C18orf54: variants seen among roughly 807,000 people sequenced by gnomAD.
C18orf54 encodes chromosome 18 open reading frame 54, also known as lung adenoma susceptibility protein 2.
C18orf54 carries 49 observed loss-of-function variants against 49.3 expected under a neutral mutation model. That is an observed-to-expected ratio of 0.99 (90% CI 0.79 to 1.26). The LOEUF (loss-of-function observed/expected upper bound fraction) is 1.26. Ranked by LOEUF, C18orf54 falls within the 50% of genes most tolerant of loss-of-function variation. The pLI is 0.00. For synonymous variants in C18orf54, 211 were observed against 216.6 expected, an observed-to-expected ratio of 0.97 and a Z score of 0.23; for missense variants, 687 against 620.6, an observed-to-expected ratio of 1.11 and a Z score of -1.14.
chr18:54,360,849 A>G lies in C18orf54; in HGVS notation c.277A>G (p.Asn93Asp), dbSNP rs772884246. Residue 93 changes from asparagine to aspartate, a missense_variant, in exon 3 of 9, where the codon AAC becomes GAC. Transcript: ENST00000620105. The stretch of plus-strand genomic sequence containing the variant: ...GTTCTGCAACTATATTTACAAACCA[A>G]ACAATGGTATGCTTTTATTCTTTGT... ...SQFCNYIYKP[N>D]NAFENLDHKK... The G allele has an allele frequency of 1.2e-6, 2 of 1,609,722 alleles. No individual in the cohort carries two copies. Among genetic ancestry groups the G allele is most frequent in the Non-Finnish European group, 1.7e-6 (2 of 1,177,514 alleles).
intron 8 of C18orf54, among the ~76,000 whole-genome samples, chr18:54,376,574 T>C (rs889801747): frequency 6.6e-6 from 1 of 152,202 alleles, no homozygotes; most frequent in Admixed American, 6.5e-5. Flanking sequence ...CCTCAGGTGA[T>C]CCACCCACCT....
At chr18:54,361,007 A>T (rs1035562829) in intron 3 of C18orf54, 152 bp downstream of exon 3, 2 of 753,724 alleles carry the variant, frequency 2.7e-6, no homozygotes, top group Admixed American at 2.9e-5. Context: ...AAATGATTAT[A>T]TAATTCTCTG....
chr18:54,361,585 C>T (rs1249050878), intron 3 of C18orf54, 58 bp from the exon 4 acceptor site: 41 of 1,377,954 alleles, frequency 3.0e-5, no homozygotes, highest in Non-Finnish European at 3.8e-5. Context: ...TTCTCATTTA[C>T]TGTTGGATAT....
rs1050173289 is a variant in C18orf54, at chr18:54,362,767, T to C, written c.1073-4T>C. The C allele has an allele frequency of 1.9e-6, 3 of 1,601,096 alleles. No individual in the cohort carries two copies. Among genetic ancestry groups the C allele is most frequent in the Non-Finnish European group, 8.5e-7 (1 of 1,176,718 alleles). ...AAGGATTAATAGTCATCTTTTACAA[T>C]TAGGTGACAAAATTGAATTGCTTAT... On this transcript the variant is annotated splice_region_variant and splice_polypyrimidine_tract_variant and intron_variant, in intron 4 of 8. Coordinates refer to ENST00000620105, the MANE Select transcript of C18orf54 (RefSeq NM_001288980.2).
At position 54,357,960 on chromosome 18, in the gene C18orf54, C is replaced by CGGAGGAAGCTG. The variant is rs1268964527; in HGVS notation, c.-258_-248dup. 5 of 152,650 alleles carry CGGAGGAAGCTG rather than the reference C, an allele frequency of 3.3e-5. No homozygotes were observed. The highest frequency in any genetic ancestry group is 6.5e-5 in the Admixed American group (1 of 15,310). The allele number at this position is 152,650 out of a possible 1,614,324, so 9.5% of individuals were successfully genotyped here. A position where few individuals can be genotyped will look rare whatever the true frequency, so the allele number is the denominator to read the frequency against. ...CGGGTGTCGAGCTCTGCTGTGACTG[C>CGGAGGAAGCTG]GGAGGAAGCTGCGAGTGAGCCGAGC... On this transcript the variant is annotated 5_prime_UTR_variant, in exon 1 of 9. Coordinates refer to ENST00000620105, the MANE Select transcript of C18orf54 (RefSeq NM_001288980.2).
At chr18:54,369,071 T>A (rs1369376806) in intron 6 of C18orf54, among the ~76,000 whole-genome samples, 1 of 152,164 alleles carries the variant, frequency 6.6e-6, no homozygotes, top group African/African-American at 2.4e-5. Context: ...AGGCATTAGT[T>A]GTGCTGAGTG....
intron 2 of C18orf54, among the ~76,000 whole-genome samples, chr18:54,359,742 A>C (rs1393620608): frequency 3.9e-5 from 6 of 152,194 alleles, no homozygotes; most frequent in South Asian, 4.1e-4. Context: ...TAGGTTTTCA[A>C]ATATACATCC....
In C18orf54 at chr18:54,374,401, C is replaced by T. The variant is rs568198350; in HGVS notation, c.1529+117C>T. The T allele has an allele frequency of 2.1e-4, 221 of 1,075,168 alleles. 2 individuals are homozygous for T. In the African/African-American group the frequency reaches 4.2e-3, roughly 20 times the overall value. 66.6% of individuals were successfully genotyped at this position (1,075,168 alleles called of 1,614,324 possible). A position where few individuals can be genotyped will look rare whatever the true frequency, so the allele number is the denominator to read the frequency against. ...AGTAGCACTACTAGGCATATTTAAG[C>T]TTCTTGGAGCACACTGTTTACACTA... is the stretch of plus-strand genomic sequence containing the variant. On this transcript the variant is annotated intron_variant, in intron 8 of 8. Coordinates refer to ENST00000620105, the MANE Select transcript of C18orf54 (RefSeq NM_001288980.2).
chr18:54,362,819 A>G lies in C18orf54; in HGVS notation c.1121A>G (p.Gln374Arg). Residue 374 changes from glutamine to arginine, a missense_variant, in exon 5 of 9, where the codon CAG (glutamine) becomes CGG (arginine). By Grantham distance (43) the Gln-to-Arg change is conservative (BLOSUM62 1). Transcript: ENST00000620105. ...LILKAKRNLE[Q>R]CTEELPKSMK... is the part of the protein sequence containing the mutation. ...TTGAAGGCCAAGAGAAATCTAGAGC[A>G]GTGTACTGAAGAATTACCAAAGTCC... 6.2e-7 allele frequency: 1 copy of G among 1,611,874 alleles called. No homozygotes were observed. Among genetic ancestry groups the G allele is most frequent in the Non-Finnish European group, 8.5e-7 (1 of 1,179,510 alleles).
At chr18:54,372,231 A>G (rs149286794) in intron 6 of C18orf54, among the ~76,000 whole-genome samples, 43 of 152,144 alleles carry the variant, frequency 2.8e-4, no homozygotes, top group African/African-American at 7.2e-4. Flanking sequence ...CAAAACAGCA[A>G]TGACTAGAAA....
chr18:54,362,708 G>T, intron 4 of C18orf54, 63 bp from the exon 5 acceptor site: 1 of 1,406,358 alleles, frequency 7.1e-7, no homozygotes, highest in Admixed American at 2.4e-5. Flanking sequence ...GACTTTGTGA[G>T]ATTTTGCTAT....
chr18:54,372,581 A>C lies in C18orf54; in HGVS notation c.1442A>C (p.Lys481Thr), dbSNP rs367982680. 27 of 1,603,206 alleles carry C rather than the reference A, an allele frequency of 1.7e-5. No homozygotes were observed. The South Asian group carries it at 2.6e-4, about 15-fold the overall frequency. ...AATCAAAATAAGACCACAGATCCAA[A>C]AGAAGAGATTAAACAAGTAAGCACA... The part of the protein sequence containing the change: ...RFNQNKTTDP[K>T]EEIKQVSEDD... The change falls in exon 7 of 9, where the codon AAA (lysine) becomes ACA (threonine). Residue 481 changes from lysine (K) to threonine (T), a missense_variant. Coordinates refer to ENST00000620105, the MANE Select transcript of C18orf54 (RefSeq NM_001288980.2).
In C18orf54 at chr18:54,358,789, T is replaced by C. The variant is rs990758136; in HGVS notation, c.-128T>C. On this transcript the variant is annotated 5_prime_UTR_variant, in exon 2 of 9. Transcript: ENST00000620105. ...TGAATCAAAGTTAGTTAAAATTTGT[T>C]GTCAATAAGTTTAACATTCTGTTCT... The C allele has an allele frequency of 6.6e-6, 1 of 152,300 alleles. No individual in the cohort carries two copies. The highest frequency in any genetic ancestry group is 1.5e-5 in the Non-Finnish European group (1 of 68,046). 9.4% of individuals were successfully genotyped at this position (152,300 alleles called of 1,614,324 possible).
At chr18:54,370,744 C>T (rs1247206297) in intron 6 of C18orf54, among the ~76,000 whole-genome samples, 1 of 152,160 alleles carries the variant, frequency 6.6e-6, no homozygotes, top group African/African-American at 2.4e-5. Context: ...TTTTGATACT[C>T]TGACCACTGC....
At position 54,378,177 on chromosome 18, in the gene C18orf54, T is replaced by C. The variant is rs141811954; in HGVS notation, c.1533T>C (p.Ala511=). The C allele has an allele frequency of 8.6e-5, 138 of 1,613,192 alleles. No homozygotes were observed. The African/African-American group carries it at 1.3e-3, about 15-fold the overall frequency. Residue 511 remains alanine (A), a synonymous_variant, in exon 9 of 9, where the codon GCT becomes GCC. Coordinates refer to ENST00000620105, the MANE Select transcript of C18orf54 (RefSeq NM_001288980.2). ...MIPITRSLQK[A]LHHLSRLRDL... The stretch of plus-strand genomic sequence containing the variant: ...TGTTTTATACTTTTTAATGAAGGGC[T>C]TTGCACCATTTATCTCGCCTGAGAG...
chr18:54,365,896 TTAGA>T (rs1282466791), intron 6 of C18orf54, 75 bp downstream of exon 6: 1 of 800,518 alleles, frequency 1.2e-6, no homozygotes, highest in Admixed American at 2.9e-5. Context: ...TTTAAGTTAC[TTAGA>T]TAATTTAAAG....
Position 54,362,868 on chromosome 18 carries a change from C to G in C18orf54, c.1170C>G (p.Cys390Trp). The change falls in exon 5 of 9, where the codon TGC becomes TGG. Residue 390 changes from cysteine (C) to tryptophan (W), a missense_variant. Physicochemically the swap from Cys to Trp is radical, Grantham distance 215 (BLOSUM62 -2). Transcript: ENST00000620105. ...CCATGAAAAAGGATGACAGTCCTTG[C>G]TCATTAGATAAACTTGAAGCAGACA... ...PKSMKKDDSP[C>W]SLDKLEADRS... is the part of the protein sequence containing the mutation. The G allele has an allele frequency of 6.2e-7, 1 of 1,612,004 alleles. No individual in the cohort carries two copies. The highest frequency in any genetic ancestry group is 1.1e-5 in the South Asian group (1 of 90,708).
intron 5 of C18orf54, among the ~76,000 whole-genome samples, chr18:54,363,633 T>G (rs901040095): frequency 2.0e-5 from 3 of 152,184 alleles, no homozygotes; most frequent in Non-Finnish European, 4.4e-5. Flanking sequence ...ACAAATTTCT[T>G]ATCATTTACT....
chr18:54,378,389 A>C lies in C18orf54; in HGVS notation c.*143A>C, dbSNP rs1010779061. ...AGGATTATATATTTCTAAAACACTA[A>C]ACTTGAAAATACCCATAGGTTTTGG... On this transcript the variant is annotated 3_prime_UTR_variant, in exon 9 of 9. Coordinates refer to ENST00000620105, the MANE Select transcript of C18orf54 (RefSeq NM_001288980.2). 4 of 658,606 alleles carry C rather than the reference A, an allele frequency of 6.1e-6. No homozygotes were observed. The highest frequency in any genetic ancestry group is 9.7e-6 in the Non-Finnish European group (4 of 413,998). 40.8% of individuals were successfully genotyped at this position (658,606 alleles called of 1,614,324 possible). A position where few individuals can be genotyped will look rare whatever the true frequency, so the allele number is the denominator to read the frequency against.
Sources: allele counts gnomAD v4.1 joint callset (sites outside exome capture counted in the v4.1 genomes callset), GRCh38; gene constraint gnomAD v4.1.1; transcripts MANE v1.5; gene names NCBI Gene and HGNC (gene_info 2026-07-23, HGNC 2026-07-21).